Variants in SRGAP3 observed in about 807,000 individuals in gnomAD.
SRGAP3 encodes the protein SLIT-ROBO Rho GTPase-activating protein 3.
In SRGAP3, 39 loss-of-function variants were observed where a neutral mutation model predicts 121.1. The ratio of observed to expected loss-of-function variants is 0.32; its 90% CI spans 0.25 to 0.42. SRGAP3 has a LOEUF of 0.42. Ranked by LOEUF, SRGAP3 falls within the 10% of genes least tolerant of loss-of-function variation. The probability of loss-of-function intolerance (pLI) is 1.00; values close to 1 mark genes in which losing one functional copy is unlikely to be tolerated. For synonymous variants in SRGAP3, 601 were observed against 570.0 expected, an observed-to-expected ratio of 1.05 and a Z score of -0.77; for missense variants, 1,213 against 1,470.6, an observed-to-expected ratio of 0.82 and a Z score of 2.86.
At chr3:9,015,967 C>A in intron 14 of SRGAP3, 1 of 551,852 alleles carries the variant, frequency 1.8e-6, no homozygotes, top group South Asian at 2.1e-5. Context: ...CGCCCATCAC[C>A]CTTCGCTTAC....
intron 1 of SRGAP3, among the ~76,000 whole-genome samples, chr3:9,342,836 C>A (rs1955814690): frequency 6.6e-6 from 1 of 152,246 alleles, no homozygotes; most frequent in African/African-American, 2.4e-5. Flanking sequence ...CCAGAGTGTA[C>A]TCATTCGCTT....
chr3:9,208,799 G>A (rs1273037921), intron 1 of SRGAP3, among the ~76,000 whole-genome samples: 1 of 152,258 alleles, frequency 6.6e-6, no homozygotes, highest in Non-Finnish European at 1.5e-5. Context: ...GCTGTATGAT[G>A]TTGAGCAAGT....
intron 4 of SRGAP3, among the ~76,000 whole-genome samples, chr3:9,079,154 T>C (rs1184933497): frequency 2.6e-5 from 4 of 151,410 alleles, no homozygotes; most frequent in African/African-American, 7.3e-5. Context: ...TACCAGCAGA[T>C]TCTCCCCAAC....
intron 1 of SRGAP3, among the ~76,000 whole-genome samples, chr3:9,213,162 C>T (rs897964893): frequency 6.6e-6 from 1 of 152,170 alleles, no homozygotes; most frequent in African/African-American, 2.4e-5. Flanking sequence ...ACTGGAGACA[C>T]AAATAATGGA....
At chr3:9,081,284 G>A (rs751347498) in intron 3 of SRGAP3, 4 of 456,710 alleles carry the variant, frequency 8.8e-6, no homozygotes, top group South Asian at 6.2e-5. Flanking sequence ...ACAGTCGCAA[G>A]TCCACACTCT....
At chr3:9,091,717 C>T (rs1467874048) in intron 3 of SRGAP3, among the ~76,000 whole-genome samples, 2 of 152,260 alleles carry the variant, frequency 1.3e-5, no homozygotes, top group African/African-American at 2.4e-5. Flanking sequence ...TGCCAATAAC[C>T]GGGCTATCGG....
At chr3:9,104,937 G>A (rs1327423444) in intron 2 of SRGAP3, 95 bp from the exon 3 acceptor site, 10 of 1,484,318 alleles carry the variant, frequency 6.7e-6, no homozygotes, top group South Asian at 2.3e-5. Flanking sequence ...TAACCTCCAC[G>A]GTGCCCCTTC....
rs115775680 is a variant in SRGAP3, at chr3:9,087,647, G to A, written c.424-7560C>T. Among the ~76,000 whole-genome samples, 330 of 152,282 alleles carry A rather than the reference G, an allele frequency of 2.2e-3. 3 individuals are homozygous for A. The highest frequency in any genetic ancestry group is 7.6e-3 in the African/African-American group (315 of 41,554). The stretch of plus-strand genomic sequence containing the variant: ...GACTGGTTCATGAAGAGAGAAGCTC[G>A]GCCACAGGTGAGCAGGAGATAAGCC... On this transcript the variant is annotated intron_variant, in intron 3 of 21. Coordinates refer to ENST00000383836, the MANE Select transcript of SRGAP3 (RefSeq NM_014850.4).
intron 4 of SRGAP3, among the ~76,000 whole-genome samples, chr3:9,078,430 A>G (rs547045991): frequency 6.6e-5 from 10 of 152,250 alleles, no homozygotes; most frequent in East Asian, 3.9e-4. Flanking sequence ...TCGGTTTACC[A>G]GGCTTGCATT....
chr3:9,244,958 G>A (rs1953769794), intron 1 of SRGAP3, among the ~76,000 whole-genome samples: 1 of 152,156 alleles, frequency 6.6e-6, no homozygotes, highest in Non-Finnish European at 1.5e-5. Context: ...CAGCACCAAA[G>A]GCTAATTCAA....
chr3:9,309,226 CCAG>C (rs1430315828), intron 3 of SRGAP3, among the ~76,000 whole-genome samples: 2 of 152,234 alleles, frequency 1.3e-5, no homozygotes, highest in African/African-American at 2.4e-5. Context: ...TTGGGTGAGA[CCAG>C]CAGAATTGCC....
intron 2 of SRGAP3, among the ~76,000 whole-genome samples, chr3:9,116,958 G>A (rs977815272): frequency 6.6e-6 from 1 of 152,208 alleles, no homozygotes; most frequent in African/African-American, 2.4e-5. Flanking sequence ...ACAGCACTTG[G>A]TCCACGGTGA....
intron 14 of SRGAP3, among the ~76,000 whole-genome samples, chr3:9,024,082 A>T (rs894490606): frequency 6.6e-6 from 1 of 152,170 alleles, no homozygotes; most frequent in South Asian, 2.1e-4. Flanking sequence ...GAAGAATTCT[A>T]TGGGTGGAAA....
chr3:9,113,149 C>T (rs73017429), intron 2 of SRGAP3, among the ~76,000 whole-genome samples: 10,327 of 152,228 alleles, frequency 0.068, 410 homozygotes, highest in African/African-American at 0.082. Flanking sequence ...CATGGGGCTG[C>T]GTACTAGTTT....
At chr3:9,234,519 C>T (rs574245393) in intron 1 of SRGAP3, among the ~76,000 whole-genome samples, 1 of 152,256 alleles carries the variant, frequency 6.6e-6, no homozygotes, top group South Asian at 2.1e-4. Context: ...TTCTCTGACC[C>T]TCTTAAGGCA....
At chr3:9,152,925 C>T (rs1950262368) in intron 1 of SRGAP3, among the ~76,000 whole-genome samples, 1 of 152,214 alleles carries the variant, frequency 6.6e-6, no homozygotes, top group South Asian at 2.1e-4. Flanking sequence ...TCAGCTGAGG[C>T]CTTCATTAGG....
chr3:8,989,943 C>G (rs942272659), intron 21 of SRGAP3, among the ~76,000 whole-genome samples: 3 of 152,208 alleles, frequency 2.0e-5, no homozygotes, highest in African/African-American at 7.2e-5. Flanking sequence ...ATTTTAGGCT[C>G]TCAAAATACT....
chr3:9,302,147 T>A (rs929487540), intron 3 of SRGAP3, among the ~76,000 whole-genome samples: 1 of 152,082 alleles, frequency 6.6e-6, no homozygotes, highest in Non-Finnish European at 1.5e-5. Context: ...TATTCCCATT[T>A]TAGAGATGGG....
At position 9,032,737 on chromosome 3, in the gene SRGAP3, G is replaced by A; in HGVS notation, c.1452C>T (p.Pro484=). ...ECGTTRPPCL[P]PKPQKMRRPR... Reference sequence around the variant, plus strand: ...GTCTCCTCATTTTCTGTGGTTTAGGGGGAAGACAGGGGGGCCTAGGGGAAA... The same window carrying A: ...GTCTCCTCATTTTCTGTGGTTTAGGAGGAAGACAGGGGGGCCTAGGGGAAA... The change falls in exon 12 of 22, where the codon CCC becomes CCT. Residue 484 remains proline, a synonymous_variant. Coordinates refer to ENST00000383836, the MANE Select transcript of SRGAP3 (RefSeq NM_014850.4). 6.2e-7 allele frequency: 1 copy of A among 1,613,172 alleles called. No homozygotes were observed.
Sources: allele counts gnomAD v4.1 joint callset (sites outside exome capture counted in the v4.1 genomes callset), GRCh38; gene constraint gnomAD v4.1.1; transcripts MANE v1.5; gene names NCBI Gene and HGNC (gene_info 2026-07-23, HGNC 2026-07-21).